The following PRR33 variants were observed in gnomAD, a reference collection of about 807,000 sequenced individuals.
PRR33 encodes the protein proline rich 33.
A neutral mutation model predicts 0.5 loss-of-function variants in PRR33; 1 was observed. The observed-to-expected ratio is 2.18, with a 90% CI of 0.77 to 10.34. The LOEUF (loss-of-function observed/expected upper bound fraction) is 10.34. PRR33 is among the 30% of genes most tolerant of loss of function. The probability of loss-of-function intolerance (pLI) is 0.13; values close to 1 mark genes in which losing one functional copy is unlikely to be tolerated. For missense variants in PRR33, 552 were observed against 251.8 expected (o/e 2.19, Z -8.07); for synonymous variants, 226 against 110.0 (o/e 2.06, Z -6.60).
At chr11:1,889,765 AG>A in the PRR33 span, 17 of 650,012 alleles carry the variant, frequency 2.6e-5, 1 homozygote, top group South Asian at 2.6e-4. Context: ...AGCGAGCGGC[AG>A]GTCGGGGCTA....
the PRR33 span, chr11:1,890,051 GA>G: frequency 1.4e-6 from 1 of 706,762 alleles, no homozygotes; most frequent in South Asian, 1.5e-5. Flanking sequence ...GCACCTGGGT[GA>G]CGTGGGTGCC....
the PRR33 span, among the ~76,000 whole-genome samples, chr11:1,916,792 T>C: frequency 6.6e-6 from 1 of 152,204 alleles, no homozygotes; most frequent in Non-Finnish European, 1.5e-5. Context: ...GTGTTTCTGA[T>C]GCAGCCTCCC....
chr11:1,903,684 C>A, the PRR33 span, among the ~76,000 whole-genome samples: 2 of 152,130 alleles, frequency 1.3e-5, no homozygotes, highest in Non-Finnish European at 2.9e-5. Flanking sequence ...CTAACACGTA[C>A]GGACATACGA....
chr11:1,902,809 G>A, the PRR33 span: 7 of 152,266 alleles, frequency 4.6e-5, no homozygotes, highest in African/African-American at 1.7e-4. Context: ...GAGCAGCCCC[G>A]AGAGCTGCTG....
chr11:1,896,918 G>A, the PRR33 span, among the ~76,000 whole-genome samples: 2 of 152,212 alleles, frequency 1.3e-5, no homozygotes, highest in Non-Finnish European at 1.5e-5. Flanking sequence ...AAATTTAACA[G>A]AGTTTAATTA....
At chr11:1,911,827 A>T in the PRR33 span, among the ~76,000 whole-genome samples, 1 of 152,028 alleles carries the variant, frequency 6.6e-6, no homozygotes, top group South Asian at 2.1e-4. Flanking sequence ...GAATCACTAC[A>T]TCATTCAGTT....
At chr11:1,899,859 C>G in the PRR33 span, among the ~76,000 whole-genome samples, 1 of 152,026 alleles carries the variant, frequency 6.6e-6, no homozygotes, top group African/African-American at 2.4e-5. Context: ...CCAGAAAACA[C>G]GCATTGAAAA....
At chr11:1,914,243 G>A in the PRR33 span, among the ~76,000 whole-genome samples, 1 of 151,860 alleles carries the variant, frequency 6.6e-6, no homozygotes, top group African/African-American at 2.4e-5. Context: ...GTGTGTGTGT[G>A]TTGTAGGGTC....
chr11:1,897,137 G>A, the PRR33 span, among the ~76,000 whole-genome samples: 6 of 152,184 alleles, frequency 3.9e-5, no homozygotes, highest in Non-Finnish European at 5.9e-5. This position sits in a 1 kb window ranked among gnomAD's most constrained non-coding sequence, Gnocchi z 4.0. Context: ...CTTGATGAGC[G>A]GAAACCTGGT....
the PRR33 span, among the ~76,000 whole-genome samples, chr11:1,900,536 G>A: frequency 6.6e-6 from 1 of 152,160 alleles, no homozygotes; most frequent in African/African-American, 2.4e-5. Context: ...CGAACCTCCT[G>A]GAGGACTCAA....
chr11:1,902,414 T>C, the PRR33 span, among the ~76,000 whole-genome samples: 1 of 152,196 alleles, frequency 6.6e-6, no homozygotes, highest in Admixed American at 6.5e-5. Context: ...TAAAGCCTGC[T>C]GGATCTGAGA....
At chr11:1,892,841 T>C (rs912023312), upstream of PRR33, among the ~76,000 whole-genome samples, 13 of 149,340 alleles carry the variant, frequency 8.7e-5, no homozygotes, top group Non-Finnish European at 1.9e-4. Flanking sequence ...GATGAATGGA[T>C]GGATGAGTGG....
chr11:1,897,758 T>C, the PRR33 span, among the ~76,000 whole-genome samples: 2 of 152,198 alleles, frequency 1.3e-5, no homozygotes, highest in African/African-American at 4.8e-5. This position sits in a 1 kb window ranked among gnomAD's most constrained non-coding sequence, Gnocchi z 4.0. Context: ...CATGGCCTTG[T>C]GTTTCTTTGA....
At chr11:1,890,826 C>T in exon 1 of PRR33, 1 of 568,394 alleles carries the variant, frequency 1.8e-6, no homozygotes. Flanking sequence ...GGCCGAGTCC[C>T]TCCAGGGATG....
chr11:1,905,523 C>G, the PRR33 span, among the ~76,000 whole-genome samples: 1 of 150,978 alleles, frequency 6.6e-6, no homozygotes, highest in Admixed American at 6.6e-5. Flanking sequence ...ACTGCAACCT[C>G]CGCCTTCTGG....
chr11:1,895,520 C>A (rs1398488872), upstream of PRR33, among the ~76,000 whole-genome samples: 1 of 152,190 alleles, frequency 6.6e-6, no homozygotes, highest in Non-Finnish European at 1.5e-5. Context: ...CACCGTTAAC[C>A]ATCTGAAGAG....
upstream of PRR33, among the ~76,000 whole-genome samples, chr11:1,892,552 G>A (rs1039014652): frequency 6.6e-6 from 1 of 152,218 alleles, no homozygotes; most frequent in African/African-American, 2.4e-5. Flanking sequence ...CCTTGACTTC[G>A]CACCCACTGA....
chr11:1,896,580 T>C (rs1302634226), upstream of PRR33, among the ~76,000 whole-genome samples: 1 of 152,242 alleles, frequency 6.6e-6, no homozygotes, highest in Non-Finnish European at 1.5e-5. Context: ...GGTCACGTTA[T>C]CTGTAGATAA....
At chr11:1,905,548 C>T in the PRR33 span, among the ~76,000 whole-genome samples, 3 of 150,920 alleles carry the variant, frequency 2.0e-5, no homozygotes, top group South Asian at 4.2e-4. Context: ...AAACGATCCT[C>T]GTGCCTCAGC....
Sources: allele counts gnomAD v4.1 joint callset (sites outside exome capture counted in the v4.1 genomes callset), GRCh38; gene constraint gnomAD v4.1.1; non-coding constraint Gnocchi (gnomAD v3.1); transcripts MANE v1.5; gene names NCBI Gene and HGNC (gene_info 2026-07-23, HGNC 2026-07-21).